The following ELF2 variants were observed in gnomAD, a reference collection of about 807,000 sequenced individuals.
The protein encoded by ELF2 is E74 like ETS transcription factor 2, also known as ETS-related transcription factor Elf-2.
Under a neutral mutation model 54.8 loss-of-function variants are expected in ELF2, and 11 were observed. The observed-to-expected ratio is 0.20, with a 90% CI of 0.13 to 0.33. The LOEUF is 0.33. Ranked by LOEUF, ELF2 falls within the 10% of genes least tolerant of loss-of-function variation. The pLI, the probability that ELF2 is intolerant of heterozygous loss-of-function variation, is 1.00. For synonymous variants in ELF2, 203 were observed against 245.1 expected, an observed-to-expected ratio of 0.83 and a Z score of 1.61; for missense variants, 513 against 703.0, an observed-to-expected ratio of 0.73 and a Z score of 3.06.
intron 4 of ELF2, among the ~76,000 whole-genome samples, chr4:139,093,894 A>G (rs918206350): frequency 9.9e-4 from 125 of 126,888 alleles, no homozygotes; most frequent in African/African-American, 3.6e-3. Flanking sequence ...CTTGACTAAC[A>G]TCTTTTTTTT....
At chr4:139,094,966 ACTT>A (rs923933863) in intron 4 of ELF2, among the ~76,000 whole-genome samples, 5 of 152,064 alleles carry the variant, frequency 3.3e-5, no homozygotes, top group African/African-American at 9.7e-5. Context: ...ACCTGATGAA[ACTT>A]CTTAACAATG....
At chr4:139,103,352 A>G (rs1433995545) in intron 4 of ELF2, among the ~76,000 whole-genome samples, 1 of 152,126 alleles carries the variant, frequency 6.6e-6, no homozygotes, top group African/African-American at 2.4e-5. Context: ...CACCAGAAAG[A>G]CCAAGGCAGG....
intron 1 of ELF2, among the ~76,000 whole-genome samples, chr4:139,174,109 T>C (rs569517697): frequency 6.8e-6 from 1 of 147,496 alleles, no homozygotes; most frequent in East Asian, 2.0e-4. Flanking sequence ...GGCATGCGCC[T>C]GTGGCAGGAG....
intron 4 of ELF2, chr4:139,114,852 C>T: frequency 8.1e-6 from 13 of 1,599,494 alleles, no homozygotes; most frequent in Non-Finnish European, 1.0e-5. Context: ...CGCAGGGTCC[C>T]CCGGTATTGC....
chr4:139,149,969 T>C (rs910016212), intron 1 of ELF2, among the ~76,000 whole-genome samples: 5 of 151,956 alleles, frequency 3.3e-5, no homozygotes, highest in African/African-American at 1.2e-4. Context: ...CCGAGGTGGG[T>C]GGATCATTTC....
At chr4:139,080,700 C>T (rs186296222) in intron 4 of ELF2, among the ~76,000 whole-genome samples, 11 of 152,138 alleles carry the variant, frequency 7.2e-5, no homozygotes, top group Admixed American at 6.5e-4. Flanking sequence ...TGTTCATACA[C>T]AATACTTTAA....
intron 7 of ELF2, among the ~76,000 whole-genome samples, chr4:139,065,688 G>T (rs1400924113): frequency 6.6e-6 from 1 of 152,084 alleles, no homozygotes; most frequent in Non-Finnish European, 1.5e-5. Context: ...TTTAATACAA[G>T]ACTGAAATTG....
intron 1 of ELF2, among the ~76,000 whole-genome samples, chr4:139,147,596 C>G (rs1299618026): frequency 6.6e-6 from 1 of 152,012 alleles, no homozygotes; most frequent in African/African-American, 2.4e-5. Context: ...CTCAGCCTCC[C>G]AAGTAGCTGG....
intron 4 of ELF2, chr4:139,115,480 G>A (rs1735605150): frequency 1.1e-5 from 9 of 831,244 alleles, no homozygotes; most frequent in Non-Finnish European, 1.2e-5. Context: ...GGGCAGCGGC[G>A]GGGGTGCCCG....
chr4:139,126,269 GAGAGA>G (rs1402522998), intron 3 of ELF2, among the ~76,000 whole-genome samples: 2 of 151,830 alleles, frequency 1.3e-5, no homozygotes, highest in African/African-American at 4.8e-5. Flanking sequence ...TAGAAAACAG[GAGAGA>G]AAAGATGGCA....
At chr4:139,089,301 T>C (rs1732338912) in intron 4 of ELF2, among the ~76,000 whole-genome samples, 1 of 152,188 alleles carries the variant, frequency 6.6e-6, no homozygotes, top group Non-Finnish European at 1.5e-5. Context: ...TCACACATTT[T>C]TAGGGGGATT....
intron 4 of ELF2, among the ~76,000 whole-genome samples, chr4:139,121,825 A>T (rs72949653): frequency 0.027 from 4,092 of 152,320 alleles, 97 homozygotes; most frequent in African/African-American, 0.064. Context: ...TCAAAATAGA[A>T]TTGGTTTCTC....
intron 4 of ELF2, among the ~76,000 whole-genome samples, chr4:139,121,602 C>A (rs1320802084): frequency 6.6e-6 from 1 of 151,884 alleles, no homozygotes; most frequent in Non-Finnish European, 1.5e-5. Flanking sequence ...TCCTTCCCTC[C>A]CCTCATTCAC....
At chr4:139,149,756 C>T (rs1175500178) in intron 1 of ELF2, among the ~76,000 whole-genome samples, 1 of 152,124 alleles carries the variant, frequency 6.6e-6, no homozygotes, top group Non-Finnish European at 1.5e-5. Context: ...AAAAATTCTA[C>T]ATGGGCAAAT....
At chr4:139,141,244 T>C (rs1002857373) in intron 1 of ELF2, among the ~76,000 whole-genome samples, 1 of 152,190 alleles carries the variant, frequency 6.6e-6, no homozygotes, top group African/African-American at 2.4e-5. Flanking sequence ...TGACTAATAA[T>C]AACCTGAAAG....
intron 1 of ELF2, among the ~76,000 whole-genome samples, chr4:139,149,223 A>G (rs1739595323): frequency 6.6e-6 from 1 of 152,242 alleles, no homozygotes; most frequent in Non-Finnish European, 1.5e-5. Flanking sequence ...ATATTAGAAG[A>G]AAAAAGAGGG....
rs754146811 is a variant in ELF2 at position 139,059,401 on chromosome 4, T to C, written c.1364A>G (p.Gln455Arg). 4 of 1,613,976 alleles carry C rather than the reference T, an allele frequency of 2.5e-6. No homozygotes were observed. In the South Asian group the frequency reaches 4.4e-5, roughly 18 times the overall value. The change falls in exon 10 of 10, where the codon CAG becomes CGG. Residue 455 changes from glutamine (Q) to arginine (R), a missense_variant. Transcript: ENST00000686138. ...TGGGATGGTAATAATTTTGGCAGGCTGCATGGTGATTTTGTCTCCATTTTC... is the reference window on the plus strand; with the variant it reads ...TGGGATGGTAATAATTTTGGCAGGCCGCATGGTGATTTTGTCTCCATTTTC... ...STENGDKITM[Q>R]PAKIITIPAT...
At chr4:139,162,952 G>A (rs555755678) in intron 1 of ELF2, among the ~76,000 whole-genome samples, 3 of 151,912 alleles carry the variant, frequency 2.0e-5, no homozygotes, top group African/African-American at 7.3e-5. Context: ...TTTTACACTA[G>A]CCAGGCATGG....
At chr4:139,114,597 A>ACACACACACACACACACACACAC (rs1370544863) in intron 4 of ELF2, among the ~76,000 whole-genome samples, 13 of 145,784 alleles carry the variant, frequency 8.9e-5, no homozygotes, top group East Asian at 6.2e-4. Context: ...ACACACACAC[A>ACACACACACACACACACACACAC]ATTTAGGAGC....
Sources: gnomAD v4.1 joint callset for allele counts (sites outside exome capture counted in the v4.1 genomes callset) on GRCh38, gnomAD v4.1.1 for gene constraint, MANE v1.5 for transcripts, NCBI Gene and HGNC (gene_info 2026-07-23, HGNC 2026-07-21) for gene names.